The following RRP12 variants were observed in gnomAD, a reference collection of about 807,000 sequenced individuals.
The protein encoded by RRP12 is RRP12-like protein.
RRP12 carries 78 observed loss-of-function variants against 157.3 expected under a neutral mutation model. That is an observed-to-expected ratio of 0.50 (90% confidence interval 0.41 to 0.60). The LOEUF (loss-of-function observed/expected upper bound fraction) is 0.60, where lower values mean the gene tolerates loss of function less well. Among genes scored for constraint, RRP12 ranks in the 20% least tolerant of loss-of-function variants. RRP12 has a pLI of 0.00. For synonymous variants in RRP12, 726 were observed against 670.9 expected, an observed-to-expected ratio of 1.08 and a Z score of -1.27; for missense variants, 1,521 against 1,679.9, an observed-to-expected ratio of 0.91 and a Z score of 1.65.
chr10:97,395,425 G>A (rs1041360322), intron 3 of RRP12, among the ~76,000 whole-genome samples: 29 of 151,780 alleles, frequency 1.9e-4, no homozygotes, highest in African/African-American at 6.1e-4. Context: ...GGTGGCGCAC[G>A]CCTGTAATCC....
chr10:97,379,375 G>T lies in RRP12; in HGVS notation c.1716C>A (p.Val572=). The change falls in exon 15 of 34, where the codon GTC becomes GTA. Residue 572 remains valine, a synonymous_variant. Transcript: ENST00000370992. ...LDFPRSWLLP[V]IRDHVQETRL... Reference sequence around the variant, plus strand: ...GCGTTTCCTGAACATGGTCTCGGATGACAGGCAGCAGCCAGCTCCGTGGGA... The same window carrying T: ...GCGTTTCCTGAACATGGTCTCGGATTACAGGCAGCAGCCAGCTCCGTGGGA... 1 of 1,614,092 alleles carries T rather than the reference G, an allele frequency of 6.2e-7. No homozygotes were observed. Among genetic ancestry groups the T allele is most frequent in the South Asian group, 1.1e-5 (1 of 91,048 alleles).
At chr10:97,393,203 C>A in intron 4 of RRP12, 2 of 436,316 alleles carry the variant, frequency 4.6e-6, no homozygotes, top group South Asian at 3.2e-5. Context: ...ATAGAGCTTT[C>A]TGACTCTGCT....
Position 97,360,541 on chromosome 10 carries a change from C to T in RRP12, c.3640+5G>A, listed in dbSNP as rs1249727679. 6.2e-7 allele frequency: 1 copy of T among 1,610,172 alleles called. No individual in the cohort carries two copies. The highest frequency in any genetic ancestry group is 1.7e-5 in the Admixed American group (1 of 59,990). On this transcript the variant is annotated splice_donor_5th_base_variant and intron_variant, in intron 31 of 33. Coordinates refer to ENST00000370992, the MANE Select transcript of RRP12 (RefSeq NM_015179.4). ...TGTCCCAGGAGAGAGGAGTGGAAGC[C>T]TCACCTTGGTACTGAGGGGGTATCT...
chr10:97,373,274 C>T (rs1844210808), intron 17 of RRP12, 74 bp from the exon 18 acceptor site: 7 of 1,487,712 alleles, frequency 4.7e-6, no homozygotes, highest in Non-Finnish European at 6.4e-6. Flanking sequence ...GGGCTGTGGC[C>T]CAGAGGCCCT....
intron 29 of RRP12, among the ~76,000 whole-genome samples, chr10:97,364,274 C>T (rs924408629): frequency 6.6e-5 from 10 of 152,300 alleles, no homozygotes; most frequent in African/African-American, 2.4e-4. Flanking sequence ...TACACACCCC[C>T]ACTGTGCCAG....
intron 25 of RRP12, 70 bp from the exon 26 acceptor site, chr10:97,367,202 G>T: frequency 1.5e-6 from 2 of 1,318,608 alleles, no homozygotes. Flanking sequence ...CTGCTGTCCA[G>T]CCCAGGGACG....
In RRP12 at chr10:97,370,702, A is replaced by G; in HGVS notation, c.2583+14T>C. The G allele has an allele frequency of 6.2e-7, 1 of 1,613,124 alleles. No individual in the cohort carries two copies. The highest frequency in any genetic ancestry group is 8.5e-7 in the Non-Finnish European group (1 of 1,179,494). ...TTCCAGGGACCCCCCTCTAAAACAC[A>G]CCCGCACACTCACCTCTGGGATGAG... On this transcript the variant is annotated intron_variant, in intron 22 of 33. Coordinates refer to ENST00000370992, the MANE Select transcript of RRP12 (RefSeq NM_015179.4).
chr10:97,365,965 A>G (rs11189167), intron 29 of RRP12, 143 bp downstream of exon 29: 260,964 of 1,029,506 alleles, frequency 0.25, 34,278 homozygotes, highest in South Asian at 0.32. Flanking sequence ...TTTCTCAAAA[A>G]AAGTTTGAGA....
In RRP12 at chr10:97,381,470, T is replaced by C; in HGVS notation, c.1334A>G (p.Glu445Gly). ...GTCAGCCATGTGGGGAGCCACGCAT[T>C]CCTTCAGGATCTCCTGCGAAGAGAG... ...ATQSLKEILK[E>G]CVAPHMADIG... Residue 445 changes from glutamate to glycine, a missense_variant, in exon 12 of 34, where the codon GAA becomes GGA. Coordinates refer to ENST00000370992, the MANE Select transcript of RRP12 (RefSeq NM_015179.4). 6.2e-7 allele frequency: 1 copy of C among 1,611,852 alleles called. No individual in the cohort carries two copies. The highest frequency in any genetic ancestry group is 8.5e-7 in the Non-Finnish European group (1 of 1,179,058).
chr10:97,376,855 G>A (rs11814749), intron 15 of RRP12, among the ~76,000 whole-genome samples: 12,213 of 151,792 alleles, frequency 0.08, 1,509 homozygotes, highest in African/African-American at 0.27. Context: ...CTTTAAGCTC[G>A]GCAGGCCATA....
At chr10:97,357,819 T>C (rs1454220034) in intron 33 of RRP12, among the ~76,000 whole-genome samples, 1 of 151,084 alleles carries the variant, frequency 6.6e-6, no homozygotes, top group Middle Eastern at 3.2e-3. Flanking sequence ...ATTAGCCGGG[T>C]GTGGTGGCGG....
Position 97,381,773 on chromosome 10 carries a change from A to G in RRP12, c.1262T>C (p.Val421Ala). Residue 421 changes from valine (V) to alanine (A), a missense_variant, in exon 11 of 34, where the codon GTG becomes GCG. Transcript: ENST00000370992. ...CGAGTGTGGGGAAAGGAGGCAGGTC[A>G]CCGCAGTTCCAAAAAAGCGAGGGAG... ...GHLPRFFGTA[V>A]TCLLSPHSQV... 1.2e-6 allele frequency: 2 copies of G among 1,614,154 alleles called. No homozygotes were observed. Among genetic ancestry groups the G allele is most frequent in the Non-Finnish European group, 1.7e-6 (2 of 1,180,028 alleles).
intron 30 of RRP12, among the ~76,000 whole-genome samples, chr10:97,362,869 G>T (rs752104051): frequency 6.6e-6 from 1 of 152,190 alleles, no homozygotes; most frequent in Non-Finnish European, 1.5e-5. Flanking sequence ...CAAGGCATAT[G>T]GGCAGACATT....
chr10:97,381,606 G>A, intron 11 of RRP12, 109 bp downstream of exon 11: 14 of 1,225,570 alleles, frequency 1.1e-5, no homozygotes, highest in Non-Finnish European at 1.6e-5. Context: ...CCCATTTTGA[G>A]AGCGGCCTCT....
rs199585042 is a variant in RRP12, at chr10:97,370,705, C to T, written c.2583+11G>A. ...CAGGGACCCCCCTCTAAAACACACC[C>T]GCACACTCACCTCTGGGATGAGGGC... On this transcript the variant is annotated intron_variant, in intron 22 of 33. Transcript: ENST00000370992. The T allele has an allele frequency of 5.4e-5, 87 of 1,613,788 alleles. 1 individual carries two copies. The African/African-American group carries it at 6.1e-4, about 11-fold the overall frequency.
intron 31 of RRP12, among the ~76,000 whole-genome samples, chr10:97,359,532 C>T (rs1843789955): frequency 6.6e-6 from 1 of 152,222 alleles, no homozygotes; most frequent in African/African-American, 2.4e-5. Context: ...GATCAAGATC[C>T]TTGCCCAAGG....
chr10:97,369,465 A>G lies in RRP12; in HGVS notation c.2915T>C (p.Val972Ala), dbSNP rs1237577825. The G allele has an allele frequency of 1.2e-6, 2 of 1,612,334 alleles. No homozygotes were observed. Among genetic ancestry groups the G allele is most frequent in the Non-Finnish European group, 8.5e-7 (1 of 1,179,340 alleles). Residue 972 changes from valine to alanine, a missense_variant, in exon 25 of 34, where the codon GTC becomes GCC. Coordinates refer to ENST00000370992, the MANE Select transcript of RRP12 (RefSeq NM_015179.4). ...ALGFIKVAVTVMDVAHLAKHV... is the reference protein window; with the variant it reads ...ALGFIKVAVTAMDVAHLAKHV... ...TTTGGCCAGGTGCGCCACGTCCATG[A>G]CAGTCACTGCCACCTTGATGAAGCC...
At chr10:97,396,403 C>G in intron 2 of RRP12, 102 bp from the exon 3 acceptor site, 1 of 911,644 alleles carries the variant, frequency 1.1e-6, no homozygotes, top group South Asian at 1.4e-5. Context: ...TGGTTAAAGC[C>G]CAGAGACAGA....
chr10:97,358,477 C>T (rs757238287), intron 33 of RRP12, 60 bp downstream of exon 33: 4 of 1,289,982 alleles, frequency 3.1e-6, no homozygotes, highest in Non-Finnish European at 3.4e-6. Context: ...CTTTAGAGCA[C>T]TCTGCTCCCT....
Sources: gnomAD v4.1 joint callset for allele counts (sites outside exome capture counted in the v4.1 genomes callset) on GRCh38, gnomAD v4.1.1 for gene constraint, MANE v1.5 for transcripts, NCBI Gene and HGNC (gene_info 2026-07-23, HGNC 2026-07-21) for gene names.